XXYLT1: variants seen among roughly 807,000 people sequenced by gnomAD.
XXYLT1 encodes UDP-xylose:alpha-xyloside alpha-1,3-xylosyltransferase.
XXYLT1 carries 20 observed loss-of-function variants against 28.9 expected under a neutral mutation model. The observed-to-expected ratio is 0.69, with a 90% CI of 0.49 to 1.00. XXYLT1 has a LOEUF of 1.00. Among genes scored for constraint, XXYLT1 ranks in the 50% least tolerant of loss-of-function variants. XXYLT1 has a pLI of 0.00. For missense variants in XXYLT1, 542 were observed against 560.1 expected, an observed-to-expected ratio of 0.97 and a Z score of 0.33; for synonymous variants, 257 against 253.8, an observed-to-expected ratio of 1.01 and a Z score of -0.12.
In XXYLT1 at chr3:195,226,805, C is replaced by T. The variant is rs368928867; in HGVS notation, c.556G>A (p.Glu186Lys). 26 of 1,613,658 alleles carry T rather than the reference C, an allele frequency of 1.6e-5. No homozygotes were observed. Among genetic ancestry groups the T allele is most frequent in the Non-Finnish European group, 2.2e-5 (26 of 1,179,982 alleles). ...VLTDKLFPIV[E>K]AMQKHFSAGL... ...GCACTGAAGTGCTTCTGCATGGCCT[C>T]CACGATGGGGAAGAGCTTATCCGTC... The change falls in exon 2 of 4, where the codon GAG (glutamate) becomes AAG (lysine). Residue 186 changes from glutamate to lysine, a missense_variant. By Grantham distance (56) the Glu-to-Lys change is moderately conservative (BLOSUM62 1). Coordinates refer to ENST00000310380, the MANE Select transcript of XXYLT1 (RefSeq NM_152531.5).
chr3:195,263,599 G>A (rs1008037897), intron 1 of XXYLT1, among the ~76,000 whole-genome samples: 1 of 152,112 alleles, frequency 6.6e-6, no homozygotes, highest in African/African-American at 2.4e-5. Flanking sequence ...CCATCCTCTT[G>A]GACTTCCCGG....
rs539916793 is a variant in XXYLT1, at chr3:195,109,888, G to A, written c.786-39777C>T. Among the ~76,000 whole-genome samples, 17 of 67,018 alleles carry A rather than the reference G, an allele frequency of 2.5e-4. 6 individuals carry two copies. The South Asian group carries it at 8.5e-3, about 33-fold the overall frequency. The allele number at this position is 67,018 out of a possible 152,430, so 44.0% of individuals were successfully genotyped here. A position where few individuals can be genotyped will look rare whatever the true frequency, so the allele number is the denominator to read the frequency against. ...TGTGGTGTATGTGTGCATGTGTGTG[G>A]GTGAGGTGTGGGTGTGTGTGGTGTG... On this transcript the variant is annotated intron_variant, in intron 3 of 3. Transcript: ENST00000310380.
chr3:195,226,661 GC>G (rs1171086831), intron 2 of XXYLT1, 47 bp downstream of exon 2: 2 of 1,590,766 alleles, frequency 1.3e-6, no homozygotes, highest in African/African-American at 1.4e-5. Flanking sequence ...GGAAATGGAT[GC>G]AAAAGTCAGA....
Position 195,234,139 on chromosome 3 carries a change from G to A in XXYLT1, c.505-7283C>T, listed in dbSNP as rs112012141. Among the ~76,000 whole-genome samples, 437 of 150,588 alleles carry A rather than the reference G, an allele frequency of 2.9e-3. 2 individuals carry two copies. Among genetic ancestry groups the A allele is most frequent in the Middle Eastern group, 0.017 (5 of 290 alleles). Reference sequence around the variant, plus strand: ...TCACCATGTTAGCCAGGATGGTCTCGATCTCCTGACCTTGTGATCCGCCTG... The same window carrying A: ...TCACCATGTTAGCCAGGATGGTCTCAATCTCCTGACCTTGTGATCCGCCTG... On this transcript the variant is annotated intron_variant, in intron 1 of 3. Transcript: ENST00000310380.
chr3:195,099,830 CAAAAA>C (rs35428286), intron 3 of XXYLT1, among the ~76,000 whole-genome samples: 4,677 of 97,316 alleles, frequency 0.048, 184 homozygotes, highest in African/African-American at 0.11. Context: ...GACTCTGTCT[CAAAAA>C]AAAAAAAAAA....
rs894273747 is a variant in XXYLT1 at position 195,090,431 on chromosome 3, G to T, written c.786-20320C>A. Among the ~76,000 whole-genome samples, 634 of 150,290 alleles carry T rather than the reference G, an allele frequency of 4.2e-3. 22 individuals are homozygous for T. The highest frequency in any genetic ancestry group is 0.015 in the African/African-American group (613 of 40,082). On this transcript the variant is annotated intron_variant, in intron 3 of 3. Coordinates refer to ENST00000310380, the MANE Select transcript of XXYLT1 (RefSeq NM_152531.5). ...ACAACCTGCTCCTGAATGACTACTG[G>T]GTACATAACGAAATGAAGGCAGAAA...
intron 2 of XXYLT1, among the ~76,000 whole-genome samples, chr3:195,163,639 A>G (rs550520401): frequency 1.3e-5 from 2 of 152,368 alleles, no homozygotes; most frequent in African/African-American, 4.8e-5. Flanking sequence ...GGGCAGGTGC[A>G]TCCATGTGGA....
chr3:195,122,718 T>C (rs1032766220), intron 3 of XXYLT1, among the ~76,000 whole-genome samples: 1 of 152,188 alleles, frequency 6.6e-6, no homozygotes, highest in African/African-American at 2.4e-5. Context: ...TGGTTTCACA[T>C]TATTGACGGC....
chr3:195,235,280 T>C (rs1377042012), intron 1 of XXYLT1, among the ~76,000 whole-genome samples: 2 of 152,224 alleles, frequency 1.3e-5, no homozygotes, highest in Non-Finnish European at 2.9e-5. Flanking sequence ...TCTACTTGAT[T>C]AATTCTACTA....
chr3:195,264,461 C>T (rs1017879862), intron 1 of XXYLT1, among the ~76,000 whole-genome samples: 2 of 152,236 alleles, frequency 1.3e-5, no homozygotes, highest in African/African-American at 2.4e-5. Flanking sequence ...GCACCTTATC[C>T]GTGGAGCCAT....
chr3:195,168,611 C>G lies in XXYLT1; in HGVS notation c.653-12030G>C, dbSNP rs563849892. On this transcript the variant is annotated intron_variant, in intron 2 of 3. Transcript: ENST00000310380. This position sits in a 1 kb window ranked among gnomAD's most constrained non-coding sequence, Gnocchi z 4.3. Reference sequence around the variant, plus strand: ...AGAGGGCCCTGCCTATGAAGGAGAACCAGAGACTGGGAGGTGCTGGGACCT... The same window carrying G: ...AGAGGGCCCTGCCTATGAAGGAGAAGCAGAGACTGGGAGGTGCTGGGACCT... 3.9e-5 allele frequency among the ~76,000 whole-genome samples: 6 copies of G among 152,318 alleles called. 1 individual carries two copies. The highest frequency in any genetic ancestry group is 3.9e-4 in the Admixed American group (6 of 15,300).
At chr3:195,261,858 G>C (rs1725709491) in intron 1 of XXYLT1, among the ~76,000 whole-genome samples, 1 of 152,178 alleles carries the variant, frequency 6.6e-6, no homozygotes, top group South Asian at 2.1e-4. Context: ...TTGAAAAGAT[G>C]GATGATTACA....
intron 3 of XXYLT1, among the ~76,000 whole-genome samples, chr3:195,112,616 CAT>C (rs1470063893): frequency 8.3e-5 from 8 of 96,784 alleles, no homozygotes; most frequent in East Asian, 2.0e-4. Flanking sequence ...CACACGCACA[CAT>C]GTGCACACAC....
chr3:195,236,048 C>A (rs1724532986), intron 1 of XXYLT1, among the ~76,000 whole-genome samples: 1 of 152,180 alleles, frequency 6.6e-6, no homozygotes, highest in African/African-American at 2.4e-5. Flanking sequence ...AGATCTGAAG[C>A]CAGCACACCA....
chr3:195,110,422 T>TGAG (rs1717552327), intron 3 of XXYLT1, among the ~76,000 whole-genome samples: 1 of 141,536 alleles, frequency 7.1e-6, no homozygotes, highest in South Asian at 2.3e-4. Flanking sequence ...GCGTCTGTGG[T>TGAG]GTATGTGTGC....
intron 3 of XXYLT1, among the ~76,000 whole-genome samples, chr3:195,090,949 C>T (rs918940806): frequency 2.6e-5 from 4 of 151,784 alleles, no homozygotes; most frequent in South Asian, 2.1e-4. Context: ...AATTCCTCGA[C>T]GTATACACTC....
intron 2 of XXYLT1, among the ~76,000 whole-genome samples, chr3:195,185,087 AAGGAAGGAAGGAAGG>A (rs1159583647): frequency 0.038 from 2,068 of 55,066 alleles, 81 homozygotes; most frequent in African/African-American, 0.059. Context: ...AAGAAGGAAG[AAGGAAGGAAGGAAGG>A]AAGGAAGGAA....
chr3:195,104,309 T>G (rs1716973307), intron 3 of XXYLT1, among the ~76,000 whole-genome samples: 1 of 151,770 alleles, frequency 6.6e-6, no homozygotes, highest in Admixed American at 6.6e-5. Flanking sequence ...AACAGAAGTA[T>G]GAAGAAGTGG....
At chr3:195,154,114 G>T (rs1371170190) in intron 3 of XXYLT1, 1 of 152,232 alleles carries the variant, frequency 6.6e-6, no homozygotes, top group Non-Finnish European at 1.5e-5. Flanking sequence ...AGCAGGGCAG[G>T]AGAGGGCTCC....
Sources: allele counts gnomAD v4.1 joint callset (sites outside exome capture counted in the v4.1 genomes callset), GRCh38; gene constraint gnomAD v4.1.1; non-coding constraint Gnocchi (gnomAD v3.1); transcripts MANE v1.5; gene names NCBI Gene and HGNC (gene_info 2026-07-23, HGNC 2026-07-21).